The following CNTN6 variants were observed in gnomAD, a reference collection of about 807,000 sequenced individuals.
The protein encoded by CNTN6 is contactin-6.
A neutral mutation model predicts 122.8 loss-of-function variants in CNTN6; 137 were observed. The ratio of observed to expected loss-of-function variants is 1.12; its 90% CI spans 0.97 to 1.29. The LOEUF (loss-of-function observed/expected upper bound fraction) is 1.29, where lower values mean the gene tolerates loss of function less well. Ranked by LOEUF, CNTN6 falls within the 50% of genes most tolerant of loss-of-function variation. The pLI is 0.00. For missense variants in CNTN6, 1,634 were observed against 1,223.4 expected (o/e 1.34, Z -5.01); for synonymous variants, 570 against 426.0 (o/e 1.34, Z -4.16).
chr3:1,364,396 T>A (rs1228020133), intron 12 of CNTN6, among the ~76,000 whole-genome samples: 1 of 151,888 alleles, frequency 6.6e-6, no homozygotes, highest in African/African-American at 2.4e-5. Flanking sequence ...AGTTTGATAA[T>A]TTTTCTTACA....
Position 1,265,695 on chromosome 3 carries a change from C to T in CNTN6, c.359-12718C>T, listed in dbSNP as rs545417429. ...CTCTCCCCTCCACCAAATCCTTCAT[C>T]ATGGCAAATGCAGTCAGACCACTTT... On this transcript the variant is annotated intron_variant, in intron 4 of 22. Transcript: ENST00000446702. Among the ~76,000 whole-genome samples, 4 of 152,268 alleles carry T rather than the reference C, an allele frequency of 2.6e-5. No homozygotes were observed. In the South Asian group the frequency reaches 8.3e-4, roughly 32 times the overall value.
intron 20 of CNTN6, among the ~76,000 whole-genome samples, chr3:1,396,694 A>G (rs1170969270): frequency 6.6e-6 from 1 of 152,208 alleles, no homozygotes; most frequent in African/African-American, 2.4e-5. Flanking sequence ...TTAAAGTAAG[A>G]AACCACAGCT....
chr3:1,387,365 C>T (rs1693185843), intron 20 of CNTN6, among the ~76,000 whole-genome samples: 1 of 152,164 alleles, frequency 6.6e-6, no homozygotes, highest in African/African-American at 2.4e-5. Context: ...TCAATGTTGA[C>T]TAAATCAATG....
At chr3:1,193,486 A>G (rs2093731118) in intron 2 of CNTN6, among the ~76,000 whole-genome samples, 1 of 152,206 alleles carries the variant, frequency 6.6e-6, no homozygotes, top group Non-Finnish European at 1.5e-5. Context: ...TGATATAACC[A>G]TTAATGAAAT....
chr3:1,374,163 CT>C, intron 16 of CNTN6, 90 bp downstream of exon 16: 1 of 1,342,176 alleles, frequency 7.5e-7, no homozygotes, highest in Non-Finnish European at 1.0e-6. Context: ...TCTTCTAATA[CT>C]TTTGGCTCAA....
chr3:1,381,949 C>T (rs1458266629), intron 17 of CNTN6, among the ~76,000 whole-genome samples: 2 of 55,818 alleles, frequency 3.6e-5, no homozygotes, highest in East Asian at 1.1e-3. Flanking sequence ...AATTGGTGCT[C>T]GCATGGGTTC....
intron 5 of CNTN6, among the ~76,000 whole-genome samples, chr3:1,288,241 A>G (rs1694691639): frequency 6.6e-6 from 1 of 152,234 alleles, no homozygotes; most frequent in Admixed American, 6.5e-5. Context: ...GATTCCAAAC[A>G]GTAGATGTGT....
At chr3:1,387,622 C>G (rs546164125) in intron 20 of CNTN6, among the ~76,000 whole-genome samples, 3 of 152,194 alleles carry the variant, frequency 2.0e-5, no homozygotes, top group Admixed American at 6.5e-5. Flanking sequence ...AGTGAAGACG[C>G]GTGATTTCTG....
intron 5 of CNTN6, among the ~76,000 whole-genome samples, chr3:1,285,625 C>G (rs1694201531): frequency 1.3e-5 from 2 of 152,168 alleles, no homozygotes; most frequent in Non-Finnish European, 2.9e-5. Flanking sequence ...CTCAATTTTA[C>G]AAATTGAGTA....
chr3:1,237,678 C>A (rs1371142287), intron 4 of CNTN6, among the ~76,000 whole-genome samples: 1 of 152,042 alleles, frequency 6.6e-6, no homozygotes, highest in Non-Finnish European at 1.5e-5. Context: ...TAAAGGAAAA[C>A]CTATCAGATT....
At chr3:1,384,255 G>GTGAT (rs1365926870) in intron 19 of CNTN6, among the ~76,000 whole-genome samples, 1 of 151,914 alleles carries the variant, frequency 6.6e-6, no homozygotes, top group Non-Finnish European at 1.5e-5. Context: ...AAGTGATCAG[G>GTGAT]TGATTATATG....
intron 4 of CNTN6, among the ~76,000 whole-genome samples, chr3:1,275,059 A>T (rs966232478): frequency 1.3e-5 from 2 of 152,270 alleles, no homozygotes; most frequent in Non-Finnish European, 1.5e-5. Flanking sequence ...TTACAAGCAC[A>T]TATAAGTTTT....
At position 1,397,247 on chromosome 3, in the gene CNTN6, C is replaced by T. The variant is rs115926982; in HGVS notation, c.2705-4186C>T. ...AAAAAAGACAAATGAATAAAATAATCATAAATTATGAAAAGAACAGTGAAG... is the reference window on the plus strand; with the variant it reads ...AAAAAAGACAAATGAATAAAATAATTATAAATTATGAAAAGAACAGTGAAG... On this transcript the variant is annotated intron_variant, in intron 20 of 22. Transcript: ENST00000446702. Among the ~76,000 whole-genome samples the T allele has an allele frequency of 5.5e-3, 832 of 152,010 alleles. 8 individuals are homozygous for T. The highest frequency in any genetic ancestry group is 0.019 in the African/African-American group (796 of 41,484).
intron 2 of CNTN6, among the ~76,000 whole-genome samples, chr3:1,217,539 G>T (rs2094145125): frequency 6.6e-6 from 1 of 152,224 alleles, no homozygotes; most frequent in Non-Finnish European, 1.5e-5. Context: ...GACCCATCAT[G>T]CCGAGAGACA....
chr3:1,385,074 T>A (rs1276663116), intron 19 of CNTN6, among the ~76,000 whole-genome samples: 5 of 152,208 alleles, frequency 3.3e-5, no homozygotes, highest in African/African-American at 4.8e-5. Context: ...TCACATACAC[T>A]GTGGATTCTA....
intron 12 of CNTN6, among the ~76,000 whole-genome samples, chr3:1,363,621 C>A (rs1249532825): frequency 3.3e-5 from 5 of 151,890 alleles, no homozygotes; most frequent in Non-Finnish European, 7.4e-5. Flanking sequence ...GAATAATATC[C>A]CATTGTGTAC....
intron 7 of CNTN6, among the ~76,000 whole-genome samples, chr3:1,303,556 C>A (rs569993490): frequency 6.6e-6 from 1 of 152,282 alleles, no homozygotes; most frequent in Non-Finnish European, 1.5e-5. Flanking sequence ...CTAAAGCTTG[C>A]CGTTATTTCA....
chr3:1,117,455 T>C (rs1458187477), intron 1 of CNTN6, among the ~76,000 whole-genome samples: 1 of 152,200 alleles, frequency 6.6e-6, no homozygotes, highest in Non-Finnish European at 1.5e-5. Context: ...CTGGACCCTA[T>C]CTTTCTAGTT....
At chr3:1,259,406 A>G (rs2094808934) in intron 4 of CNTN6, among the ~76,000 whole-genome samples, 1 of 152,068 alleles carries the variant, frequency 6.6e-6, no homozygotes, top group Non-Finnish European at 1.5e-5. Context: ...TTGTTAAGAT[A>G]TTTTTGTCTA....
Sources: allele counts gnomAD v4.1 joint callset (sites outside exome capture counted in the v4.1 genomes callset), GRCh38; gene constraint gnomAD v4.1.1; transcripts MANE v1.5; gene names NCBI Gene and HGNC (gene_info 2026-07-23, HGNC 2026-07-21).